The following STAG3 variants were observed in gnomAD, a reference collection of about 807,000 sequenced individuals.
The protein encoded by STAG3 is STAG3 cohesin complex component.
A neutral mutation model predicts 160.7 loss-of-function variants in STAG3; 101 were observed. The observed-to-expected ratio is 0.63, with a 90% confidence interval of 0.54 to 0.74. The LOEUF (loss-of-function observed/expected upper bound fraction) is 0.74, where lower values mean the gene tolerates loss of function less well. STAG3 is among the 30% of genes least tolerant of loss of function. The probability of loss-of-function intolerance (pLI) is 0.00; values close to 1 mark genes in which losing one functional copy is unlikely to be tolerated. For synonymous variants in STAG3, 519 were observed against 585.0 expected, an observed-to-expected ratio of 0.89 and a Z score of 1.63; for missense variants, 1,188 against 1,517.4, an observed-to-expected ratio of 0.78 and a Z score of 3.61.
At chr7:100,197,430 C>T in intron 10 of STAG3, 151 bp downstream of exon 10, 1 of 1,076,986 alleles carries the variant, frequency 9.3e-7, no homozygotes, top group South Asian at 1.3e-5. Flanking sequence ...TCCCCTAGCA[C>T]TGGGGAGAGT....
intron 31 of STAG3, 53 bp from the exon 32 acceptor site, chr7:100,211,742 C>T (rs1802230402): frequency 1.9e-6 from 3 of 1,590,254 alleles, no homozygotes; most frequent in East Asian, 4.5e-5. Flanking sequence ...GAGAAACTCT[C>T]AGGGGTCCTC....
rs1417316767 is a variant in STAG3 at position 100,197,162 on chromosome 7, C to T, written c.948C>T (p.Val316=). 6.2e-7 allele frequency: 1 copy of T among 1,600,690 alleles called. No individual in the cohort carries two copies. Among genetic ancestry groups the T allele is most frequent in the African/African-American group, 1.3e-5 (1 of 74,472 alleles). ...CTTATCTGTCTGTGTCTAGGGATGT[C>T]CTTCCTGAGATCCGTGCTATCTGCA... ...RGVFVHRYRD[V]LPEIRAICIE... The change falls in exon 10 of 34, where the codon GTC becomes GTT. Residue 316 remains valine (V), a synonymous_variant. Coordinates refer to ENST00000615138, the MANE Select transcript of STAG3 (RefSeq NM_001282717.2).
chr7:100,203,506 A>T (rs1390162593), intron 25 of STAG3, among the ~76,000 whole-genome samples: 1 of 148,770 alleles, frequency 6.7e-6, no homozygotes, highest in South Asian at 2.1e-4. Flanking sequence ...TTTTTATTTT[A>T]TTTATTTATT....
chr7:100,214,689 G>A (rs1368271678), downstream of STAG3, among the ~76,000 whole-genome samples: 2 of 152,148 alleles, frequency 1.3e-5, no homozygotes, highest in African/African-American at 2.4e-5. Flanking sequence ...GCCAGGCCAG[G>A]CCATGTGTCC....
intron 26 of STAG3, among the ~76,000 whole-genome samples, 194 bp downstream of exon 26, chr7:100,204,316 T>C (rs1801430366): frequency 6.6e-6 from 1 of 152,152 alleles, no homozygotes; most frequent in Non-Finnish European, 1.5e-5. Context: ...GGCAACCCCA[T>C]CAAAAGTAAC....
chr7:100,204,517 G>C, intron 26 of STAG3, 110 bp from the exon 27 acceptor site: 1 of 1,349,602 alleles, frequency 7.4e-7, no homozygotes, highest in Non-Finnish European at 1.0e-6. Flanking sequence ...AAAAGTAGTA[G>C]ATGGTGTCCC....
At chr7:100,204,155 C>T (rs372266378) in intron 26 of STAG3, 33 bp downstream of exon 26, 45 of 1,544,422 alleles carry the variant, frequency 2.9e-5, no homozygotes, top group Non-Finnish European at 3.8e-5. Context: ...CATGCCAGCC[C>T]TGTTGTCCCC....
chr7:100,180,517 G>T lies in STAG3; in HGVS notation c.-40G>T, dbSNP rs769111101. On this transcript the variant is annotated 5_prime_UTR_variant, in exon 2 of 34. Transcript: ENST00000615138. ...GCTGGATCGCCATACCTACCCTGTG[G>T]TCCTCATCTTCCTGGCCTCATAGCT... The T allele has an allele frequency of 8.2e-7, 1 of 1,218,526 alleles. No homozygotes were observed. The highest frequency in any genetic ancestry group is 2.3e-5 in the East Asian group (1 of 43,156). 75.5% of individuals were successfully genotyped at this position (1,218,526 alleles called of 1,614,324 possible).
intron 29 of STAG3, 39 bp from the exon 30 acceptor site, chr7:100,210,972 G>A: frequency 6.3e-7 from 1 of 1,592,182 alleles, no homozygotes; most frequent in South Asian, 1.1e-5. Flanking sequence ...ACCTGTCGCA[G>A]GCCCTGGGCT....
chr7:100,203,171 ATTTCT>A (rs1367432920), intron 25 of STAG3, among the ~76,000 whole-genome samples: 6 of 143,914 alleles, frequency 4.2e-5, no homozygotes, highest in South Asian at 4.4e-4. Flanking sequence ...GGCAGTGTTT[ATTTCT>A]TTTCTTTTCT....
At chr7:100,192,096 G>GTGTAGT (rs1487607538) in intron 8 of STAG3, among the ~76,000 whole-genome samples, 13 of 152,308 alleles carry the variant, frequency 8.5e-5, no homozygotes, top group African/African-American at 2.9e-4. Flanking sequence ...TCCACTGCAC[G>GTGTAGT]TGTAGTTTAC....
intron 18 of STAG3, 83 bp from the exon 19 acceptor site, chr7:100,200,686 C>T (rs1223980147): frequency 2.0e-5 from 31 of 1,557,048 alleles, no homozygotes; most frequent in Non-Finnish European, 2.2e-5. Flanking sequence ...AAGTTTAATG[C>T]TTTTAACCCC....
intron 7 of STAG3, among the ~76,000 whole-genome samples, 182 bp from the exon 8 acceptor site, chr7:100,189,263 G>T (rs1463557771): frequency 6.6e-6 from 1 of 152,172 alleles, no homozygotes; most frequent in Admixed American, 6.5e-5. Flanking sequence ...ATGGTTAAAA[G>T]AAGACCACAA....
At position 100,182,263 on chromosome 7, in the gene STAG3, G is replaced by A. The variant is rs6465764; in HGVS notation, c.219+71G>A. ...CAGCCCAGCTACTTGGGAGGCTGAGGCAGGAGAATGGCGTGAACCCAGGGG... is the reference window on the plus strand; with the variant it reads ...CAGCCCAGCTACTTGGGAGGCTGAGACAGGAGAATGGCGTGAACCCAGGGG... On this transcript the variant is annotated intron_variant, in intron 3 of 33. Transcript: ENST00000615138. 0.29 allele frequency: 333,201 copies of A among 1,154,580 alleles called. 53,202 individuals are homozygous for A. The highest frequency in any genetic ancestry group is 0.61 in the East Asian group (23,864 of 39,214). 71.5% of individuals were successfully genotyped at this position (1,154,580 alleles called of 1,614,324 possible).
chr7:100,203,647 TG>T (rs765636639), intron 25 of STAG3, among the ~76,000 whole-genome samples: 6 of 152,050 alleles, frequency 3.9e-5, no homozygotes, highest in Non-Finnish European at 5.9e-5. Context: ...CCCGAGTAGC[TG>T]GGACTACAGG....
At chr7:100,213,604 C>T in intron 32 of STAG3, 131 bp from the exon 33 acceptor site, 1 of 1,510,180 alleles carries the variant, frequency 6.6e-7, no homozygotes, top group Non-Finnish European at 8.8e-7. Flanking sequence ...ACTTCCCTCC[C>T]AGGAGGTGCC....
intron 5 of STAG3, among the ~76,000 whole-genome samples, chr7:100,187,882 G>A (rs1357667248): frequency 2.0e-5 from 3 of 150,606 alleles, no homozygotes; most frequent in Non-Finnish European, 4.4e-5. Context: ...TCAGCCTCCC[G>A]AGTAGCTGGG....
intron 29 of STAG3, among the ~76,000 whole-genome samples, chr7:100,206,198 G>A (rs1801640741): frequency 6.6e-6 from 1 of 151,554 alleles, no homozygotes; most frequent in Non-Finnish European, 1.5e-5. Context: ...TTGAATTTTT[G>A]GTAGAGATGG....
At chr7:100,206,004 G>A (rs1399283245) in intron 29 of STAG3, among the ~76,000 whole-genome samples, 1 of 151,910 alleles carries the variant, frequency 6.6e-6, no homozygotes, top group African/African-American at 2.4e-5. Context: ...AGTTGCCTAA[G>A]GTTTTGTTTT....
Sources: allele counts gnomAD v4.1 joint callset (sites outside exome capture counted in the v4.1 genomes callset), GRCh38; gene constraint gnomAD v4.1.1; transcripts MANE v1.5; gene names NCBI Gene and HGNC (gene_info 2026-07-23, HGNC 2026-07-21).